NEDD4: variants seen among roughly 807,000 people sequenced by gnomAD.
The protein encoded by NEDD4 is E3 ubiquitin-protein ligase NEDD4.
NEDD4 carries 99 observed loss-of-function variants against 144.9 expected under a neutral mutation model. The ratio of observed to expected loss-of-function variants is 0.68; its 90% CI spans 0.58 to 0.81. NEDD4 has a LOEUF of 0.81. NEDD4 is among the 30% of genes least tolerant of loss of function. The pLI, the probability that NEDD4 is intolerant of heterozygous loss-of-function variation, is 0.00. For synonymous variants in NEDD4, 318 were observed against 350.6 expected (o/e 0.91, Z 1.04); for missense variants, 985 against 1,065.9 (o/e 0.92, Z 1.06).
chr15:55,984,521 G>A (rs71476763), intron 1 of NEDD4, among the ~76,000 whole-genome samples: 8,109 of 152,272 alleles, frequency 0.053, 275 homozygotes, highest in East Asian at 0.16. Context: ...TTTTCCCAAA[G>A]GAGAATACTT....
intron 6 of NEDD4, among the ~76,000 whole-genome samples, 199 bp from the exon 7 acceptor site, chr15:55,872,675 A>T (rs549558300): frequency 2.6e-5 from 4 of 152,320 alleles, no homozygotes; most frequent in East Asian, 3.9e-4. Context: ...ATCACAACTC[A>T]AATGAAAACT....
chr15:55,923,688 A>G (rs1047928445), intron 5 of NEDD4, among the ~76,000 whole-genome samples: 13 of 150,824 alleles, frequency 8.6e-5, no homozygotes, highest in African/African-American at 3.2e-4. Flanking sequence ...AGTCAGTGAT[A>G]GTCTTCTTTG....
chr15:55,931,356 TTTG>T (rs1175796811), intron 4 of NEDD4, among the ~76,000 whole-genome samples: 12 of 152,186 alleles, frequency 7.9e-5, no homozygotes, highest in African/African-American at 2.9e-4. Flanking sequence ...AACACCAGAA[TTTG>T]TTGTTTTTCA....
At chr15:55,960,179 G>A (rs893517750) in intron 2 of NEDD4, among the ~76,000 whole-genome samples, 3 of 152,170 alleles carry the variant, frequency 2.0e-5, no homozygotes, top group South Asian at 2.1e-4. Context: ...TCTGTGATGG[G>A]TAATATTGAG....
intron 6 of NEDD4, 110 bp downstream of exon 6, chr15:55,873,848 T>C: frequency 4.2e-6 from 2 of 474,338 alleles, no homozygotes; most frequent in South Asian, 6.1e-5. Flanking sequence ...TAAATAAAAG[T>C]AGTATACATT....
intron 1 of NEDD4, among the ~76,000 whole-genome samples, chr15:55,968,287 A>G (rs1288934128): frequency 1.3e-5 from 2 of 152,188 alleles, no homozygotes; most frequent in Non-Finnish European, 2.9e-5. Context: ...CTAAAAGTGA[A>G]AAGAAATTTT....
intron 5 of NEDD4, among the ~76,000 whole-genome samples, chr15:55,892,860 G>A (rs1228154382): frequency 1.3e-5 from 2 of 151,940 alleles, no homozygotes; most frequent in East Asian, 1.9e-4. Flanking sequence ...CTATTATATG[G>A]TACAGCAAAA....
At chr15:55,848,302 G>C (rs1375135297) in intron 17 of NEDD4, 70 bp downstream of exon 17, 1 of 1,458,840 alleles carries the variant, frequency 6.9e-7, no homozygotes, top group African/African-American at 1.4e-5. Context: ...GGTTATGCCC[G>C]TGACTATCTG....
At position 55,940,361 on chromosome 15, in the gene NEDD4, G is replaced by T. The variant is rs567375959; in HGVS notation, c.237+11015C>A. On this transcript the variant is annotated intron_variant, in intron 4 of 28. Coordinates refer to ENST00000435532, the MANE Select transcript of NEDD4 (RefSeq NM_006154.4). ...TGCATATGTTTAAACCTATCAAACT[G>T]TATGAATTAAATATGTGCAGGCTTT... Among the ~76,000 whole-genome samples, 17 of 152,200 alleles carry T rather than the reference G, an allele frequency of 1.1e-4. No homozygotes were observed. The South Asian group carries it at 3.1e-3, about 28-fold the overall frequency.
rs189072174 is a variant in NEDD4 at position 55,879,601 on chromosome 15, G to A, written c.292-5593C>T. On this transcript the variant is annotated intron_variant, in intron 5 of 28. Coordinates refer to ENST00000435532, the MANE Select transcript of NEDD4 (RefSeq NM_006154.4). ...AAACACACAGACCTAAATGAAAGAC[G>A]GGAGTCTGATGAATAAGAATCAAGT... 3.9e-5 allele frequency among the ~76,000 whole-genome samples: 6 copies of A among 152,194 alleles called. No individual in the cohort carries two copies. The East Asian group carries it at 7.7e-4, about 20-fold the overall frequency.
intron 2 of NEDD4, among the ~76,000 whole-genome samples, chr15:55,961,599 C>G (rs1405401795): frequency 6.6e-6 from 1 of 151,862 alleles, no homozygotes; most frequent in Non-Finnish European, 1.5e-5. Flanking sequence ...GCCTCCCGAG[C>G]AGCTGGGACT....
At chr15:55,964,298 T>C (rs959643190) in intron 2 of NEDD4, among the ~76,000 whole-genome samples, 1 of 152,114 alleles carries the variant, frequency 6.6e-6, no homozygotes, top group African/African-American at 2.4e-5. Context: ...CTGTTGTTGT[T>C]GTTGTTGTTG....
At chr15:55,850,423 C>T (rs1335180144) in intron 14 of NEDD4, 119 bp downstream of exon 14, 4 of 904,026 alleles carry the variant, frequency 4.4e-6, no homozygotes, top group Admixed American at 4.8e-5. Context: ...TTCAATATAC[C>T]TTTCAATGAA....
intron 5 of NEDD4, among the ~76,000 whole-genome samples, chr15:55,913,747 T>C (rs2036346910): frequency 6.6e-6 from 1 of 152,020 alleles, no homozygotes; most frequent in South Asian, 2.1e-4. Flanking sequence ...AAAAAACACA[T>C]TTAAAATACT....
At chr15:55,927,170 G>C (rs1183886130) in intron 4 of NEDD4, among the ~76,000 whole-genome samples, 1 of 151,610 alleles carries the variant, frequency 6.6e-6, no homozygotes, top group Non-Finnish European at 1.5e-5. Context: ...CTTTTGAGGA[G>C]ATGTAACTGA....
intron 5 of NEDD4, among the ~76,000 whole-genome samples, chr15:55,902,643 T>C (rs2035947785): frequency 6.6e-6 from 1 of 152,184 alleles, no homozygotes; most frequent in Non-Finnish European, 1.5e-5. Flanking sequence ...TAACGAAAAG[T>C]TTTAAAATAT....
intron 4 of NEDD4, among the ~76,000 whole-genome samples, chr15:55,938,034 C>G (rs2142266627): frequency 6.6e-6 from 1 of 152,172 alleles, no homozygotes; most frequent in East Asian, 1.9e-4. Flanking sequence ...GACTCAGGTG[C>G]CAAGCATACA....
At chr15:55,831,197 G>A (rs1286966715) in intron 27 of NEDD4, among the ~76,000 whole-genome samples, 2 of 152,204 alleles carry the variant, frequency 1.3e-5, no homozygotes, top group African/African-American at 4.8e-5. Flanking sequence ...TGAGATTACA[G>A]GCATGAGCTA....
intron 4 of NEDD4, among the ~76,000 whole-genome samples, chr15:55,935,886 C>T (rs1386166785): frequency 6.6e-6 from 1 of 150,920 alleles, no homozygotes; most frequent in African/African-American, 2.4e-5. Context: ...AAAAAGCTCT[C>T]CCTTTTCAGC....
Sources: gnomAD v4.1 joint callset for allele counts (sites outside exome capture counted in the v4.1 genomes callset) on GRCh38, gnomAD v4.1.1 for gene constraint, MANE v1.5 for transcripts, NCBI Gene and HGNC (gene_info 2026-07-23, HGNC 2026-07-21) for gene names.